The following PCDHGA9 variants were observed in gnomAD, a reference collection of about 807,000 sequenced individuals.
PCDHGA9 encodes protocadherin gamma-A9.
Under a neutral mutation model 62.5 loss-of-function variants are expected in PCDHGA9, and 37 were observed. The ratio of observed to expected loss-of-function variants is 0.59; its 90% CI spans 0.46 to 0.78. The LOEUF (loss-of-function observed/expected upper bound fraction) is 0.78. Among genes scored for constraint, PCDHGA9 ranks in the 30% least tolerant of loss-of-function variants. The pLI is 0.00. For missense variants in PCDHGA9, 1,138 were observed against 1,166.2 expected (o/e 0.98, Z 0.35); for synonymous variants, 459 against 484.6 (o/e 0.95, Z 0.69).
At position 141,414,416 on chromosome 5, in the gene PCDHGA9, T is replaced by C. The variant is rs550804810; in HGVS notation, c.2424+9040T>C. The C allele has an allele frequency of 2.2e-5, 35 of 1,613,902 alleles. No homozygotes were observed. In the South Asian group the frequency reaches 3.5e-4, roughly 16 times the overall value. On this transcript the variant is annotated intron_variant, in intron 1 of 3. Coordinates refer to ENST00000573521, the MANE Select transcript of PCDHGA9 (RefSeq NM_018921.3). ...TACAGATTGGTGATACACAGAGCCCTTGACAGGGAACAGGTATCCTCTTAC... is the reference window on the plus strand; with the variant it reads ...TACAGATTGGTGATACACAGAGCCCCTGACAGGGAACAGGTATCCTCTTAC...
Position 141,476,993 on chromosome 5 carries a change from C to A in PCDHGA9, c.2425-17814C>A. 6.2e-7 allele frequency: 1 copy of A among 1,614,244 alleles called. No individual in the cohort carries two copies. Among genetic ancestry groups the A allele is most frequent in the South Asian group, 1.1e-5 (1 of 91,086 alleles). Reference sequence around the variant, plus strand: ...CAGCCACAACCGCGCCGGCGTGCGGCAACTATTCGCCTTAGACCTTGTAAC... The same window carrying A: ...CAGCCACAACCGCGCCGGCGTGCGGAAACTATTCGCCTTAGACCTTGTAAC... On this transcript the variant is annotated intron_variant, in intron 1 of 3. Coordinates refer to ENST00000573521, the MANE Select transcript of PCDHGA9 (RefSeq NM_018921.3). This position sits in a 1 kb window ranked among gnomAD's most constrained non-coding sequence, Gnocchi z 7.6.
At chr5:141,467,565 C>A (rs2154569547) in intron 1 of PCDHGA9, among the ~76,000 whole-genome samples, 1 of 152,302 alleles carries the variant, frequency 6.6e-6, no homozygotes, top group East Asian at 1.9e-4. Context: ...TCCCAAATGG[C>A]TATCCAGTTG....
At chr5:141,464,929 G>A (rs1358204606) in intron 1 of PCDHGA9, among the ~76,000 whole-genome samples, 1 of 151,878 alleles carries the variant, frequency 6.6e-6, no homozygotes, top group Non-Finnish European at 1.5e-5. Flanking sequence ...TTGTAGAGAT[G>A]TGAGGTCTCA....
At chr5:141,501,013 C>T (rs1456343329) in intron 2 of PCDHGA9, among the ~76,000 whole-genome samples, 2 of 151,970 alleles carry the variant, frequency 1.3e-5, no homozygotes, top group Non-Finnish European at 2.9e-5. Context: ...GGACTACAGG[C>T]ACGCGCCACC....
At chr5:141,438,633 TATACAC>T (rs1275936248) in intron 1 of PCDHGA9, among the ~76,000 whole-genome samples, 1,035 of 33,718 alleles carry the variant, frequency 0.031, 6 homozygotes, top group African/African-American at 0.063. Context: ...TATATATATA[TATACAC>T]ACACACACAC....
intron 1 of PCDHGA9, among the ~76,000 whole-genome samples, chr5:141,447,244 A>T (rs1475037979): frequency 6.6e-6 from 1 of 152,062 alleles, no homozygotes; most frequent in Non-Finnish European, 1.5e-5. Flanking sequence ...GGTTCAAGTG[A>T]TTCTTCTGTC....
chr5:141,403,512 A>G lies in PCDHGA9; in HGVS notation c.560A>G (p.Asn187Ser), dbSNP rs751429629. 2 of 1,614,020 alleles carry G rather than the reference A, an allele frequency of 1.2e-6. No individual in the cohort carries two copies. Among genetic ancestry groups the G allele is most frequent in the Non-Finnish European group, 1.7e-6 (2 of 1,179,896 alleles). The change falls in exon 1 of 4, where the codon AAT becomes AGT. Residue 187 changes from asparagine to serine, a missense_variant. Coordinates refer to ENST00000573521, the MANE Select transcript of PCDHGA9 (RefSeq NM_018921.3). ...HFSLNVQTGD[N>S]GAINPELVLE... ...TCCCTGAACGTGCAGACTGGAGACA[A>G]TGGAGCCATAAACCCAGAGCTGGTG...
At position 141,495,662 on chromosome 5, in the gene PCDHGA9, C is replaced by T. The variant is rs545912968; in HGVS notation, c.2483+797C>T. The stretch of plus-strand genomic sequence containing the variant: ...TTTGTCTACTTGCATTGATCTGTGC[C>T]GCCCACTGTGCCTGCCATGGCATAA... On this transcript the variant is annotated intron_variant, in intron 2 of 3. Coordinates refer to ENST00000573521, the MANE Select transcript of PCDHGA9 (RefSeq NM_018921.3). Among the ~76,000 whole-genome samples, 8 of 152,256 alleles carry T rather than the reference C, an allele frequency of 5.3e-5. No individual in the cohort carries two copies. In the South Asian group the frequency reaches 6.2e-4, roughly 12 times the overall value.
chr5:141,427,611 G>A (rs747386422), intron 1 of PCDHGA9: 22 of 691,570 alleles, frequency 3.2e-5, no homozygotes, highest in Non-Finnish European at 5.5e-5. Context: ...CATTGGTGAA[G>A]TCAACGACAA....
At chr5:141,473,858 C>G (rs569473917) in intron 1 of PCDHGA9, among the ~76,000 whole-genome samples, 1 of 152,286 alleles carries the variant, frequency 6.6e-6, no homozygotes, top group Admixed American at 6.5e-5. Flanking sequence ...ATGAACCTCG[C>G]TATTGTGGAG....
At chr5:141,433,256 C>G (rs760130587) in intron 1 of PCDHGA9, 2 of 1,385,666 alleles carry the variant, frequency 1.4e-6, no homozygotes, top group Non-Finnish European at 2.0e-6. Context: ...TGCAGCGGTA[C>G]GATCATAGCT....
At position 141,486,114 on chromosome 5, in the gene PCDHGA9, A is replaced by G; in HGVS notation, c.2425-8693A>G. On this transcript the variant is annotated intron_variant, in intron 1 of 3. Coordinates refer to ENST00000573521, the MANE Select transcript of PCDHGA9 (RefSeq NM_018921.3). This position sits in a 1 kb window ranked among gnomAD's most constrained non-coding sequence, Gnocchi z 5.0. ...GGGCCCCTAGACTTTGAGAGTGAGAATTACTATGAATTTGATGTGCGGGCT... is the reference window on the plus strand; with the variant it reads ...GGGCCCCTAGACTTTGAGAGTGAGAGTTACTATGAATTTGATGTGCGGGCT... 3 of 1,614,082 alleles carry G rather than the reference A, an allele frequency of 1.9e-6. No individual in the cohort carries two copies. Among genetic ancestry groups the G allele is most frequent in the South Asian group, 2.2e-5 (2 of 91,072 alleles).
At chr5:141,419,297 G>A (rs1460451634) in intron 1 of PCDHGA9, 1 of 1,614,048 alleles carries the variant, frequency 6.2e-7, no homozygotes, top group Admixed American at 1.7e-5. Context: ...CTCTGACCCA[G>A]ACTTCGGGCT....
Position 141,485,668 on chromosome 5 carries a change from T to C in PCDHGA9, c.2425-9139T>C. 6.2e-7 allele frequency: 1 copy of C among 1,612,698 alleles called. No homozygotes were observed. The highest frequency in any genetic ancestry group is 1.3e-5 in the African/African-American group (1 of 74,972). ...CTCAGGATGCAGATGTGGGGAGCAA[T>C]TCGATTAGCAGCTATAGGCTGAGCT... On this transcript the variant is annotated intron_variant, in intron 1 of 3. Transcript: ENST00000573521. The surrounding 1 kb of genome is among the most constrained non-coding windows in gnomAD (Gnocchi z 5.7).
At chr5:141,408,052 C>G in intron 1 of PCDHGA9, 1 of 1,283,102 alleles carries the variant, frequency 7.8e-7, no homozygotes, top group Non-Finnish European at 1.0e-6. Flanking sequence ...CACACAGAGC[C>G]TCCCGGCTGC....
intron 1 of PCDHGA9, chr5:141,419,434 G>A (rs372006900): frequency 2.5e-5 from 41 of 1,613,112 alleles, no homozygotes; most frequent in Non-Finnish European, 3.3e-5. Flanking sequence ...ACGAGCAGCT[G>A]CGCACCTTCG....
intron 1 of PCDHGA9, chr5:141,420,334 T>C: frequency 7.1e-7 from 1 of 1,402,910 alleles, no homozygotes; most frequent in Non-Finnish European, 9.5e-7. Flanking sequence ...TATATTCCAA[T>C]ATAGTGGTAT....
chr5:141,414,040 C>T, intron 1 of PCDHGA9: 2 of 1,611,438 alleles, frequency 1.2e-6, no homozygotes, highest in Non-Finnish European at 1.7e-6. Context: ...CCGAAAATTA[C>T]CTGACACGCA....
In PCDHGA9 at chr5:141,432,059, A is replaced by G. The variant is rs752124614; in HGVS notation, c.2424+26683A>G. The stretch of plus-strand genomic sequence containing the variant: ...TGACCGGGGAACCCCGCCCCTATCC[A>G]CGGAAACTCATATCTCGCTGAACGT... On this transcript the variant is annotated intron_variant, in intron 1 of 3. Coordinates refer to ENST00000573521, the MANE Select transcript of PCDHGA9 (RefSeq NM_018921.3). The surrounding 1 kb of genome is among the most constrained non-coding windows in gnomAD (Gnocchi z 6.0). 17 of 1,614,052 alleles carry G rather than the reference A, an allele frequency of 1.1e-5. No individual in the cohort carries two copies. The highest frequency in any genetic ancestry group is 1.3e-5 in the African/African-American group (1 of 74,918).
Sources: allele counts gnomAD v4.1 joint callset (sites outside exome capture counted in the v4.1 genomes callset), GRCh38; gene constraint gnomAD v4.1.1; non-coding constraint Gnocchi (gnomAD v3.1); transcripts MANE v1.5; gene names NCBI Gene and HGNC (gene_info 2026-07-23, HGNC 2026-07-21).